TMEM67: variants seen among roughly 807,000 people sequenced by gnomAD.
The protein encoded by TMEM67 is transmembrane protein 67.
In TMEM67, 124 loss-of-function variants were observed where a neutral mutation model predicts 136.6. The observed-to-expected ratio is 0.91, with a 90% CI of 0.78 to 1.05. TMEM67 has a LOEUF of 1.05. TMEM67 is among the 50% of genes least tolerant of loss of function. TMEM67 has a pLI of 0.00. For synonymous variants in TMEM67, 364 were observed against 390.5 expected, an observed-to-expected ratio of 0.93 and a Z score of 0.80; for missense variants, 1,107 against 1,178.4, an observed-to-expected ratio of 0.94 and a Z score of 0.89.
chr8:93,799,782 T>G, intron 21 of TMEM67, 24 bp downstream of exon 21: 1 of 1,594,248 alleles, frequency 6.3e-7, no homozygotes, highest in Non-Finnish European at 8.6e-7. Context: ...CAGGTAATAT[T>G]ACTTCTAAGT....
intron 26 of TMEM67, among the ~76,000 whole-genome samples, chr8:93,813,247 C>T (rs571335426): frequency 1.7e-4 from 25 of 151,082 alleles, no homozygotes; most frequent in African/African-American, 4.1e-4. Flanking sequence ...GGCACAATCT[C>T]GGCTCACTGC....
intron 21 of TMEM67, among the ~76,000 whole-genome samples, chr8:93,801,740 G>A (rs1337705529): frequency 6.6e-6 from 1 of 152,132 alleles, no homozygotes; most frequent in Non-Finnish European, 1.5e-5. Context: ...GGTCCAGGTG[G>A]TGGTATTCAG....
intron 7 of TMEM67, among the ~76,000 whole-genome samples, chr8:93,776,712 G>A (rs898595279): frequency 6.6e-5 from 10 of 152,158 alleles, no homozygotes; most frequent in African/African-American, 2.2e-4. Context: ...CAGCTTGATC[G>A]TGTTGGATAA....
intron 11 of TMEM67, among the ~76,000 whole-genome samples, chr8:93,783,480 A>G (rs1813942461): frequency 6.6e-6 from 1 of 152,152 alleles, no homozygotes; most frequent in Admixed American, 6.5e-5. Flanking sequence ...TAATTCCTTC[A>G]TCTTCTTCCA....
downstream of TMEM67, chr8:93,819,190 A>T: frequency 2.3e-6 from 1 of 442,280 alleles, no homozygotes; most frequent in Non-Finnish European, 4.5e-6. Context: ...TCTGCCCCAA[A>T]ATATATTTTT....
chr8:93,789,577 G>A (rs995233667), intron 14 of TMEM67, among the ~76,000 whole-genome samples: 2 of 150,038 alleles, frequency 1.3e-5, no homozygotes, highest in African/African-American at 2.5e-5. Flanking sequence ...CCCAAGAGGC[G>A]GAGGTTGCAG....
Position 93,763,834 on chromosome 8 carries a change from CTG to C in TMEM67, c.407-6_407-5del. 2 of 1,596,454 alleles carry C rather than the reference CTG, an allele frequency of 1.3e-6. No homozygotes were observed. Among genetic ancestry groups the C allele is most frequent in the Admixed American group, 1.7e-5 (1 of 59,980 alleles). On this transcript the variant is annotated splice_polypyrimidine_tract_variant and splice_region_variant and intron_variant, in intron 3 of 27. Transcript: ENST00000453321. The stretch of plus-strand genomic sequence containing the variant: ...GTTACATCTTTATTTTGTTTCTAAA[CTG>C]TTCAGTGGAAAGAGACATTAATGGA...
chr8:93,813,862 C>A (rs567647036), intron 26 of TMEM67, among the ~76,000 whole-genome samples: 1 of 152,260 alleles, frequency 6.6e-6, no homozygotes, highest in South Asian at 2.1e-4. Flanking sequence ...AGTAGAAAAT[C>A]ACCAAGAGAG....
intron 7 of TMEM67, among the ~76,000 whole-genome samples, chr8:93,777,266 C>G (rs1263829458): frequency 6.6e-6 from 1 of 151,958 alleles, no homozygotes. Flanking sequence ...GTCTCGCTAG[C>G]GGTCTATCAA....
Position 93,780,699 on chromosome 8 carries a change from T to A in TMEM67, c.821T>A (p.Ile274Asn). The A allele has an allele frequency of 6.2e-7, 1 of 1,614,128 alleles. No homozygotes were observed. Among genetic ancestry groups the A allele is most frequent in the Non-Finnish European group, 8.5e-7 (1 of 1,180,036 alleles). ...GATGCATGTGGACTATTTCAGTTTA[T>A]CTTTGAAAATACTGCTGGACTGAGC... ...TFDACGLFQF[I>N]FENTAGLSTV... is the part of the protein sequence containing the mutation. Residue 274 changes from isoleucine to asparagine, a missense_variant, in exon 8 of 28, where the codon ATC (isoleucine) becomes AAC (asparagine). By Grantham distance (149) the Ile-to-Asn change is moderately radical. Coordinates refer to ENST00000453321, the MANE Select transcript of TMEM67 (RefSeq NM_153704.6).
intron 14 of TMEM67, 152 bp downstream of exon 14, chr8:93,788,101 T>G: frequency 1.5e-6 from 1 of 659,890 alleles, no homozygotes; most frequent in Non-Finnish European, 2.7e-6. Context: ...TATTCTTTAC[T>G]AATAATGGTA....
At position 93,793,885 on chromosome 8, in the gene TMEM67, G is replaced by T. The variant is rs574059169; in HGVS notation, c.1674+589G>T. Reference sequence around the variant, plus strand: ...CAGGTTTGTTTTTGTTTTCATTTTTGTTTTTTTTTGTTGTTGTTTTTTTGA... The same window carrying T: ...CAGGTTTGTTTTTGTTTTCATTTTTTTTTTTTTTTGTTGTTGTTTTTTTGA... On this transcript the variant is annotated intron_variant, in intron 16 of 27. Coordinates refer to ENST00000453321, the MANE Select transcript of TMEM67 (RefSeq NM_153704.6). Among the ~76,000 whole-genome samples, 172 of 150,192 alleles carry T rather than the reference G, an allele frequency of 1.1e-3. 1 individual carries two copies. Among genetic ancestry groups the T allele is most frequent in the African/African-American group, 4.1e-3 (167 of 40,966 alleles).
At chr8:93,823,902 C>A (rs1809075558), downstream of TMEM67, among the ~76,000 whole-genome samples, 1 of 151,148 alleles carries the variant, frequency 6.6e-6, no homozygotes, top group African/African-American at 2.4e-5. Context: ...TTTTTTAGAG[C>A]CTCTCTCAAA....
intron 26 of TMEM67, among the ~76,000 whole-genome samples, chr8:93,813,097 T>A (rs1276959268): frequency 6.6e-6 from 1 of 152,132 alleles, no homozygotes; most frequent in Admixed American, 6.6e-5. Flanking sequence ...TTTTTCTTCC[T>A]TTCTCCTTTG....
intron 14 of TMEM67, among the ~76,000 whole-genome samples, chr8:93,790,714 TA>T (rs1369377828): frequency 1.3e-5 from 2 of 152,214 alleles, no homozygotes; most frequent in African/African-American, 2.4e-5. Context: ...TTGACATTTA[TA>T]CAACATTTGA....
chr8:93,796,065 C>A (rs1814601749), intron 18 of TMEM67, 78 bp downstream of exon 18: 3 of 971,064 alleles, frequency 3.1e-6, no homozygotes, highest in South Asian at 2.8e-5. Context: ...AAAATGCTTT[C>A]AAAAATCTTT....
the TMEM67 span, among the ~76,000 whole-genome samples, chr8:93,824,411 G>A: frequency 1.2e-4 from 19 of 152,106 alleles, no homozygotes; most frequent in East Asian, 9.6e-4. Flanking sequence ...TTTAACTCCC[G>A]GAGGGTAAAA....
the TMEM67 span, among the ~76,000 whole-genome samples, chr8:93,825,983 C>T: frequency 1.3e-5 from 2 of 152,272 alleles, no homozygotes; most frequent in South Asian, 4.1e-4. Context: ...AATAAGAAAC[C>T]TTAAAGCTAA....
At position 93,799,762 on chromosome 8, in the gene TMEM67, AG is replaced by A. The variant is rs1469856594; in HGVS notation, c.2241+6del. On this transcript the variant is annotated splice_donor_5th_base_variant and intron_variant, in intron 21 of 27. Coordinates refer to ENST00000453321, the MANE Select transcript of TMEM67 (RefSeq NM_153704.6). ...GCTAGCCATTGGAATTATACAGGTA[AG>A]GAATTATACAGGTAATATTACTTCT... 2.5e-6 allele frequency: 4 copies of A among 1,611,730 alleles called. No individual in the cohort carries two copies. In the South Asian group the frequency reaches 4.4e-5, roughly 18 times the overall value.
Sources: gnomAD v4.1 joint callset for allele counts (sites outside exome capture counted in the v4.1 genomes callset) on GRCh38, gnomAD v4.1.1 for gene constraint, MANE v1.5 for transcripts, NCBI Gene and HGNC (gene_info 2026-07-23, HGNC 2026-07-21) for gene names.